Variants in ERICH2 observed in about 807,000 individuals in gnomAD.
The protein encoded by ERICH2 is glutamate-rich protein 2.
A neutral mutation model predicts 17.4 loss-of-function variants in ERICH2; 17 were observed. The ratio of observed to expected loss-of-function variants is 0.98; its 90% CI spans 0.67 to 1.47. The LOEUF (loss-of-function observed/expected upper bound fraction) is 1.47, where lower values mean the gene tolerates loss of function less well. Among genes scored for constraint, ERICH2 ranks in the 40% most tolerant of loss-of-function variants. The pLI, the probability that ERICH2 is intolerant of heterozygous loss-of-function variation, is 0.00. For synonymous variants in ERICH2, 51 were observed against 61.1 expected, an observed-to-expected ratio of 0.83 and a Z score of 0.77; for missense variants, 186 against 183.2, an observed-to-expected ratio of 1.01 and a Z score of -0.09.
At chr2:170,784,663 G>A (rs1329980207) in exon 2 of ERICH2, 1 of 1,524,330 alleles carries the variant, frequency 6.6e-7, no homozygotes, top group Admixed American at 2.2e-5. Context: ...GAGCAAAGAT[G>A]CAGTCATTGT....
chr2:170,788,668 G>A (rs1475878049), intron 2 of ERICH2, among the ~76,000 whole-genome samples: 4 of 151,918 alleles, frequency 2.6e-5, no homozygotes, highest in Non-Finnish European at 5.9e-5. Flanking sequence ...TAGTAGAGAC[G>A]GGGTTTCACC....
At chr2:170,796,886 TAG>T (rs1248060885) in intron 3 of ERICH2, among the ~76,000 whole-genome samples, 1 of 151,844 alleles carries the variant, frequency 6.6e-6, no homozygotes, top group Non-Finnish European at 1.5e-5. Flanking sequence ...TAGGAAGAAG[TAG>T]AGAGAGATCT....
upstream of ERICH2, among the ~76,000 whole-genome samples, chr2:170,780,368 A>G (rs1024280117): frequency 2.6e-5 from 4 of 152,208 alleles, no homozygotes; most frequent in Non-Finnish European, 5.9e-5. Context: ...AAGAAAGACC[A>G]TAGAAAGTGA....
At chr2:170,788,824 A>G (rs1441789611) in intron 2 of ERICH2, among the ~76,000 whole-genome samples, 1 of 152,146 alleles carries the variant, frequency 6.6e-6, no homozygotes, top group Non-Finnish European at 1.5e-5. Context: ...GAGTAGAACA[A>G]TGAACACCTG....
At chr2:170,782,036 G>A (rs144628266), upstream of ERICH2, among the ~76,000 whole-genome samples, 107 of 152,240 alleles carry the variant, frequency 7.0e-4, no homozygotes, top group African/African-American at 2.3e-3. Flanking sequence ...ATTGTTATAC[G>A]ATAACAAATG....
intron 3 of ERICH2, 118 bp downstream of exon 8, chr2:170,793,038 G>A (rs1701328332): frequency 1.9e-6 from 1 of 513,800 alleles, no homozygotes; most frequent in Non-Finnish European, 3.4e-6. Context: ...TAGTGTCTCA[G>A]TGATTCCTTG....
the ERICH2 span, chr2:170,777,348 G>T: frequency 1.1e-6 from 1 of 919,742 alleles, no homozygotes; most frequent in Non-Finnish European, 1.3e-6. Context: ...AAATAATAAT[G>T]CTAGTTTTTA....
exon 2 of ERICH2, chr2:170,784,816 C>A: frequency 1.3e-6 from 2 of 1,482,944 alleles, no homozygotes; most frequent in Non-Finnish European, 1.8e-6. Flanking sequence ...TCAGGCCCCA[C>A]TAGAGTTAAT....
the ERICH2 span, chr2:170,771,070 A>C: frequency 6.6e-6 from 1 of 151,140 alleles, no homozygotes; most frequent in Non-Finnish European, 1.5e-5. This position sits in a 1 kb window ranked among gnomAD's most constrained non-coding sequence, Gnocchi z 4.8. Context: ...CGCGCCGTGC[A>C]GTCTCCACGG....
exon 2 of ERICH2, chr2:170,784,751 A>G: frequency 6.5e-7 from 1 of 1,546,548 alleles, no homozygotes; most frequent in East Asian, 2.5e-5. Flanking sequence ...GATGATGGTG[A>G]AGATGATACC....
At chr2:170,772,781 A>G in the ERICH2 span, among the ~76,000 whole-genome samples, 9 of 152,154 alleles carry the variant, frequency 5.9e-5, no homozygotes, top group African/African-American at 2.2e-4. Flanking sequence ...CCTTCTCACC[A>G]GAGTTGCAGG....
At chr2:170,773,463 A>G in the ERICH2 span, among the ~76,000 whole-genome samples, 2 of 152,244 alleles carry the variant, frequency 1.3e-5, no homozygotes, top group Non-Finnish European at 2.9e-5. Context: ...TGAGCCCAAA[A>G]GAAAGAATTT....
intron 3 of ERICH2, among the ~76,000 whole-genome samples, chr2:170,795,638 C>T (rs1327877029): frequency 6.6e-6 from 1 of 152,170 alleles, no homozygotes; most frequent in African/African-American, 2.4e-5. Context: ...TCAGCCACTG[C>T]ACCTGTCCAA....
At chr2:170,796,284 T>C (rs1275693521) in intron 3 of ERICH2, among the ~76,000 whole-genome samples, 2 of 152,170 alleles carry the variant, frequency 1.3e-5, no homozygotes, top group Non-Finnish European at 2.9e-5. Context: ...CTAACCCAGA[T>C]TGATGACAAA....
At chr2:170,783,893 C>G in intron 1 of ERICH2, 1 of 1,550,456 alleles carries the variant, frequency 6.4e-7, no homozygotes, top group Non-Finnish European at 8.7e-7. Flanking sequence ...AATAACACAA[C>G]CGTCATACTC....
intron 3 of ERICH2, among the ~76,000 whole-genome samples, chr2:170,796,425 T>TG (rs1491584770): frequency 9.1e-5 from 2 of 21,868 alleles, no homozygotes; most frequent in Non-Finnish European, 3.8e-4. Context: ...TCTCTCTCTC[T>TG]TTGTTTTTTT....
the ERICH2 span, chr2:170,778,088 G>A: frequency 0.25 from 39,189 of 156,872 alleles, 5,357 homozygotes; most frequent in South Asian, 0.35. Flanking sequence ...AATAAAGAAA[G>A]TAATCACCTC....
At chr2:170,783,830 T>TG in exon 1 of ERICH2, 1 of 1,550,528 alleles carries the variant, frequency 6.4e-7, no homozygotes. Context: ...TCAGGGTGGT[T>TG]GTGAGCTGAT....
At chr2:170,772,802 G>C in the ERICH2 span, among the ~76,000 whole-genome samples, 1 of 152,290 alleles carries the variant, frequency 6.6e-6, no homozygotes, top group African/African-American at 2.4e-5. Context: ...GCTTGAGTGT[G>C]TAGCTAGCTA....
Sources: gnomAD v4.1 joint callset for allele counts (sites outside exome capture counted in the v4.1 genomes callset) on GRCh38, gnomAD v4.1.1 for gene constraint, Gnocchi (gnomAD v3.1) non-coding constraint, MANE v1.5 for transcripts, NCBI Gene and HGNC (gene_info 2026-07-23, HGNC 2026-07-21) for gene names.